SLC37A2: variants seen among roughly 807,000 people sequenced by gnomAD.
The protein encoded by SLC37A2 is glucose-6-phosphate exchanger SLC37A2.
Under a neutral mutation model 70.7 loss-of-function variants are expected in SLC37A2, and 59 were observed. The ratio of observed to expected loss-of-function variants is 0.83; its 90% CI spans 0.68 to 1.04. The LOEUF is 1.04. SLC37A2 is among the 50% of genes least tolerant of loss of function. SLC37A2 has a pLI of 0.00. For missense variants in SLC37A2, 580 were observed against 658.1 expected (o/e 0.88, Z 1.30); for synonymous variants, 257 against 262.1 (o/e 0.98, Z 0.19).
chr11:125,072,533 C>T (rs150731701), intron 1 of SLC37A2, among the ~76,000 whole-genome samples: 36 of 152,348 alleles, frequency 2.4e-4, no homozygotes, highest in East Asian at 5.8e-4. Flanking sequence ...GCCATCCCCC[C>T]GTCACAGCCA....
chr11:125,086,143 A>T lies in SLC37A2; in HGVS notation c.1490+125A>T, dbSNP rs1949212761. On this transcript the variant is annotated intron_variant, in intron 17 of 17. Coordinates refer to ENST00000403796, the MANE Select transcript of SLC37A2 (RefSeq NM_001145290.2). Reference sequence around the variant, plus strand: ...GCCCAGACCTGAGGAGCACTGAGCCAGTCCCTGGGTGGCCCTCACCCTGCT... The same window carrying T: ...GCCCAGACCTGAGGAGCACTGAGCCTGTCCCTGGGTGGCCCTCACCCTGCT... 9.1e-6 allele frequency: 14 copies of T among 1,543,612 alleles called. No homozygotes were observed. The East Asian group carries it at 3.1e-4, about 35-fold the overall frequency.
rs778032952 is a variant in SLC37A2, at chr11:125,079,095, A to T, written c.315-17A>T. On this transcript the variant is annotated splice_polypyrimidine_tract_variant and intron_variant, in intron 4 of 17. Coordinates refer to ENST00000403796, the MANE Select transcript of SLC37A2 (RefSeq NM_001145290.2). ...CACAGAGGAGCTTAACCGCAGATCC[A>T]ACTTTCTCTTCCCCAGTGGGGTTTT... is the stretch of plus-strand genomic sequence containing the variant. 62 of 1,613,864 alleles carry T rather than the reference A, an allele frequency of 3.8e-5. No homozygotes were observed. The highest frequency in any genetic ancestry group is 4.7e-5 in the Non-Finnish European group (55 of 1,179,928).
chr11:125,084,883 AG>A lies in SLC37A2; in HGVS notation c.1174+12del, dbSNP rs1316452002. ...ATTGCCAGCTCCATAGGTGAGGAGG[AG>A]GTTGCAAGTCCTGCCAGGCCAGGGG... On this transcript the variant is annotated intron_variant, in intron 13 of 17. Transcript: ENST00000403796. 6.2e-7 allele frequency: 1 copy of A among 1,613,184 alleles called. No homozygotes were observed. The highest frequency in any genetic ancestry group is 8.5e-7 in the Non-Finnish European group (1 of 1,179,714).
intron 1 of SLC37A2, among the ~76,000 whole-genome samples, chr11:125,064,288 G>A (rs1000581577): frequency 1.3e-5 from 2 of 152,094 alleles, no homozygotes; most frequent in African/African-American, 2.4e-5. Flanking sequence ...ATGAGGCCAG[G>A]AGTTCGAGAC....
At position 125,085,624 on chromosome 11, in the gene SLC37A2, T is replaced by C; in HGVS notation, c.1375T>C (p.Trp459Arg). The C allele has an allele frequency of 6.2e-7, 1 of 1,613,858 alleles. No individual in the cohort carries two copies. The highest frequency in any genetic ancestry group is 8.5e-7 in the Non-Finnish European group (1 of 1,180,016). Residue 459 changes from tryptophan to arginine, a missense_variant, in exon 16 of 18, where the codon TGG becomes CGG. Trp to Arg is a moderately radical substitution (Grantham distance 101, BLOSUM62 -3). Transcript: ENST00000403796. ...LLAGLISPTG[W>R]NNVFYMLISA... Reference sequence around the variant, plus strand: ...GGCTGGGCTCATCTCCCCCACGGGCTGGAACAATGTCTTCTACATGCTCAT... The same window carrying C: ...GGCTGGGCTCATCTCCCCCACGGGCCGGAACAATGTCTTCTACATGCTCAT...
rs543083936 is a variant in SLC37A2, at chr11:125,085,422, G to A, written c.1276G>A (p.Ala426Thr). The A allele has an allele frequency of 8.7e-6, 14 of 1,613,880 alleles. No homozygotes were observed. Among genetic ancestry groups the A allele is most frequent in the Non-Finnish European group, 1.1e-5 (13 of 1,179,976 alleles). ...GACTCACAAGAGCCTGAAGGGCAAC[G>A]CCAAAGCCCTGTCCACGGTCACGGC... ...LGTHKSLKGNAKALSTVTAII... is the reference protein window; with the variant it reads ...LGTHKSLKGNTKALSTVTAII... Residue 426 changes from alanine (A) to threonine (T), a missense_variant, in exon 15 of 18, where the codon GCC (alanine) becomes ACC (threonine). Coordinates refer to ENST00000403796, the MANE Select transcript of SLC37A2 (RefSeq NM_001145290.2).
intron 1 of SLC37A2, among the ~76,000 whole-genome samples, chr11:125,066,606 G>C (rs569767825): frequency 6.6e-5 from 10 of 152,214 alleles, no homozygotes; most frequent in Non-Finnish European, 1.3e-4. Flanking sequence ...AAGGAAATTT[G>C]GTTGCTTCTG....
intron 1 of SLC37A2, among the ~76,000 whole-genome samples, chr11:125,071,736 C>T (rs531684087): frequency 1.7e-4 from 26 of 151,778 alleles, no homozygotes; most frequent in Non-Finnish European, 3.2e-4. Context: ...CAAAGAGGGT[C>T]TTGTCCTGTC....
Position 125,088,116 on chromosome 11 carries a change from C to T in SLC37A2, c.1491-3C>T. 6.4e-7 allele frequency: 1 copy of T among 1,551,808 alleles called. No individual in the cohort carries two copies. The highest frequency in any genetic ancestry group is 1.4e-5 in the African/African-American group (1 of 73,050). ...TTCTGTCCCCCCTCTCCTCTTCATGCAGGTATAAAGAAATATGAGGCCCCA... is the reference window on the plus strand; with the variant it reads ...TTCTGTCCCCCCTCTCCTCTTCATGTAGGTATAAAGAAATATGAGGCCCCA... On this transcript the variant is annotated splice_polypyrimidine_tract_variant and splice_region_variant and intron_variant, in intron 17 of 17. Coordinates refer to ENST00000403796, the MANE Select transcript of SLC37A2 (RefSeq NM_001145290.2).
In SLC37A2 at chr11:125,082,330, TGTG is replaced by T; in HGVS notation, c.974_976del (p.Val325del). On this transcript the variant is annotated inframe_deletion and splice_region_variant, in exon 10 of 18. Transcript: ENST00000403796. The stretch of plus-strand genomic sequence containing the variant: ...ACTGGCTGCCCCTCTACATCGCCAA[TGTG>T]GGTAAGTCCAAGAGAAGGGGAATGA... 1 of 1,613,626 alleles carries T rather than the reference TGTG, an allele frequency of 6.2e-7. No homozygotes were observed. Among genetic ancestry groups the T allele is most frequent in the Non-Finnish European group, 8.5e-7 (1 of 1,179,746 alleles).
intron 13 of SLC37A2, 44 bp from the exon 14 acceptor site, chr11:125,085,022 G>A (rs769929640): frequency 4.7e-5 from 76 of 1,605,010 alleles, no homozygotes; most frequent in Non-Finnish European, 4.9e-5. Flanking sequence ...TTGGGGCTGC[G>A]GGTGGTGCTG....
At chr11:125,077,171 G>A (rs1481142964) in intron 2 of SLC37A2, 59 bp from the exon 3 acceptor site, 1 of 1,321,500 alleles carries the variant, frequency 7.6e-7, no homozygotes, top group Non-Finnish European at 1.0e-6. Context: ...GTTGGGGCAG[G>A]TGGTTGCTTG....
At chr11:125,075,621 C>T (rs1397672822) in intron 1 of SLC37A2, among the ~76,000 whole-genome samples, 11 of 152,242 alleles carry the variant, frequency 7.2e-5, no homozygotes, top group Non-Finnish European at 4.4e-5. Context: ...ACAGGAAGCT[C>T]GATCCAGGGG....
At position 125,079,230 on chromosome 11, in the gene SLC37A2, T is replaced by C. The variant is rs762440644; in HGVS notation, c.433T>C (p.Tyr145His). The part of the protein sequence containing the change: ...GYFWNIHELW[Y>H]FVVIQVCNGL... ...TTTCTGGAACATCCACGAGCTCTGG[T>C]ACTTTGTGGTCATCCAGGTATGAAT... Residue 145 changes from tyrosine (Y) to histidine (H), a missense_variant, in exon 5 of 18, where the codon TAC becomes CAC. Physicochemically the swap from Tyr to His is moderately conservative, Grantham distance 83. Transcript: ENST00000403796. 6.2e-7 allele frequency: 1 copy of C among 1,614,194 alleles called. No individual in the cohort carries two copies. Among genetic ancestry groups the C allele is most frequent in the Non-Finnish European group, 8.5e-7 (1 of 1,180,016 alleles).
chr11:125,086,187 C>T, intron 17 of SLC37A2, 169 bp downstream of exon 17: 1 of 1,609,172 alleles, frequency 6.2e-7, no homozygotes, highest in Non-Finnish European at 8.5e-7. Flanking sequence ...CTCTGTTGTC[C>T]CCGTGTATCT....
rs952725837 is a variant in SLC37A2, at chr11:125,083,348, G to A, written c.977-467G>A. On this transcript the variant is annotated intron_variant, in intron 10 of 17. Transcript: ENST00000403796. This position sits in a 1 kb window ranked among gnomAD's most constrained non-coding sequence, Gnocchi z 4.6. ...CTGGACATTCCTTTTTTAAAACATG[G>A]AGCCAAGGCCTGTGACCTGAGGCCC... is the stretch of plus-strand genomic sequence containing the variant. 2 of 153,732 alleles carry A rather than the reference G, an allele frequency of 1.3e-5. No homozygotes were observed. Among genetic ancestry groups the A allele is most frequent in the African/African-American group, 2.4e-5 (1 of 41,486 alleles). The allele number at this position is 153,732 out of a possible 1,614,324, so 9.5% of individuals were successfully genotyped here.
intron 17 of SLC37A2, chr11:125,087,889 C>T (rs1949239653): frequency 6.8e-6 from 3 of 440,030 alleles, no homozygotes; most frequent in Non-Finnish European, 8.2e-6. Context: ...GCCTCGGCCT[C>T]CCAAAGTGCT....
Position 125,082,136 on chromosome 11 carries a change from G to A in SLC37A2, c.886-108G>A, listed in dbSNP as rs1591633441. The A allele has an allele frequency of 1.8e-5, 21 of 1,139,148 alleles. No individual in the cohort carries two copies. In the South Asian group the frequency reaches 2.5e-4, roughly 13 times the overall value. 70.6% of individuals were successfully genotyped at this position (1,139,148 alleles called of 1,614,324 possible). On this transcript the variant is annotated intron_variant, in intron 9 of 17. Coordinates refer to ENST00000403796, the MANE Select transcript of SLC37A2 (RefSeq NM_001145290.2). ...CTGGATGTGTTGGAGGCTGCCTTGT[G>A]TGGCAGGTGATGGAAAGTACTGGGG...
At chr11:125,067,719 T>A (rs546099572) in intron 1 of SLC37A2, among the ~76,000 whole-genome samples, 7 of 152,344 alleles carry the variant, frequency 4.6e-5, no homozygotes, top group African/African-American at 1.7e-4. Flanking sequence ...TTTAATTGCT[T>A]ATTTTTAGAC....
Sources: gnomAD v4.1 joint callset for allele counts (sites outside exome capture counted in the v4.1 genomes callset) on GRCh38, gnomAD v4.1.1 for gene constraint, Gnocchi (gnomAD v3.1) non-coding constraint, MANE v1.5 for transcripts, NCBI Gene and HGNC (gene_info 2026-07-23, HGNC 2026-07-21) for gene names.